MTUS2: variants seen among roughly 807,000 people sequenced by gnomAD.
The protein encoded by MTUS2 is microtubule associated scaffold protein 2.
A neutral mutation model predicts 114.1 loss-of-function variants in MTUS2; 40 were observed. That is an observed-to-expected ratio of 0.35 (90% CI 0.27 to 0.46). The LOEUF (loss-of-function observed/expected upper bound fraction) is 0.46. Ranked by LOEUF, MTUS2 falls within the 20% of genes least tolerant of loss-of-function variation. The pLI is 1.00. For missense variants in MTUS2, 1,679 were observed against 1,705.4 expected (o/e 0.98, Z 0.27); for synonymous variants, 688 against 672.0 (o/e 1.02, Z -0.37).
At chr13:29,089,204 G>A (rs1017571253) in intron 4 of MTUS2, among the ~76,000 whole-genome samples, 4 of 151,988 alleles carry the variant, frequency 2.6e-5, no homozygotes, top group African/African-American at 7.3e-5. Context: ...TTTCTCCTTC[G>A]CTTATGAAGC....
chr13:28,968,117 A>G (rs1330631099), intron 2 of MTUS2, among the ~76,000 whole-genome samples: 1 of 152,226 alleles, frequency 6.6e-6, no homozygotes. Context: ...CTGTATAGAA[A>G]GTATCTGCAG....
At chr13:29,141,146 A>G (rs1892204025) in intron 5 of MTUS2, among the ~76,000 whole-genome samples, 1 of 152,246 alleles carries the variant, frequency 6.6e-6, no homozygotes, top group African/African-American at 2.4e-5. Flanking sequence ...TATTTTTCCC[A>G]GTCCACAAAT....
rs562393155 is a variant in MTUS2 at position 29,204,938 on chromosome 13, C to A, written c.2645-76766C>A. Reference sequence around the variant, plus strand: ...GTGCAGCTGCAGTGGGGGCACTACCCAGATGATCTGGGGGACCAGGGAAGC... The same window carrying A: ...GTGCAGCTGCAGTGGGGGCACTACCAAGATGATCTGGGGGACCAGGGAAGC... On this transcript the variant is annotated intron_variant, in intron 5 of 15. Coordinates refer to ENST00000612955, the MANE Select transcript of MTUS2 (RefSeq NM_001033602.4). 2.0e-5 allele frequency among the ~76,000 whole-genome samples: 3 copies of A among 152,250 alleles called. No homozygotes were observed. The South Asian group carries it at 6.2e-4, about 32-fold the overall frequency.
At chr13:29,065,408 G>GC (rs1354438619) in intron 4 of MTUS2, among the ~76,000 whole-genome samples, 2 of 151,962 alleles carry the variant, frequency 1.3e-5, no homozygotes, top group African/African-American at 4.8e-5. Flanking sequence ...TTCATAGCTT[G>GC]TTGACCTCAT....
intron 7 of MTUS2, among the ~76,000 whole-genome samples, chr13:29,354,240 ATTT>A (rs5802516): frequency 2.1e-4 from 25 of 120,368 alleles, no homozygotes; most frequent in Non-Finnish European, 3.3e-4. Flanking sequence ...TATTTTGGGC[ATTT>A]TTTTTTTTTT....
intron 6 of MTUS2, among the ~76,000 whole-genome samples, chr13:29,294,591 A>G (rs996892370): frequency 3.9e-5 from 6 of 152,208 alleles, no homozygotes; most frequent in African/African-American, 1.4e-4. Context: ...ATTACAATGA[A>G]AGGATACAGA....
At chr13:29,005,348 AG>A (rs1159590805) in intron 2 of MTUS2, among the ~76,000 whole-genome samples, 3 of 152,184 alleles carry the variant, frequency 2.0e-5, no homozygotes, top group African/African-American at 4.8e-5. Context: ...ACTCACAAAT[AG>A]GGCTTTGATC....
chr13:29,263,539 G>C (rs1010390355), intron 5 of MTUS2, among the ~76,000 whole-genome samples: 1 of 152,198 alleles, frequency 6.6e-6, no homozygotes, highest in African/African-American at 2.4e-5. Context: ...TTGACTCACA[G>C]TTCTGCAGGC....
At chr13:28,885,486 C>A (rs1466467182) in intron 2 of MTUS2, among the ~76,000 whole-genome samples, 1 of 152,146 alleles carries the variant, frequency 6.6e-6, no homozygotes, top group Non-Finnish European at 1.5e-5. Context: ...CACTGAGTAC[C>A]TTTCCCAAGG....
At chr13:28,968,959 A>T (rs1883727334) in intron 2 of MTUS2, among the ~76,000 whole-genome samples, 1 of 152,254 alleles carries the variant, frequency 6.6e-6, no homozygotes, top group Admixed American at 6.5e-5. Flanking sequence ...AGTAAAACTA[A>T]AAGGCAAAAT....
chr13:29,034,781 A>G (rs1039972129), intron 4 of MTUS2, among the ~76,000 whole-genome samples: 2 of 152,224 alleles, frequency 1.3e-5, no homozygotes, highest in Non-Finnish European at 2.9e-5. Flanking sequence ...ATCTGTAGGC[A>G]GAGAGATGAT....
At chr13:29,142,827 G>C (rs1159000105) in intron 5 of MTUS2, among the ~76,000 whole-genome samples, 1 of 152,158 alleles carries the variant, frequency 6.6e-6, no homozygotes, top group Non-Finnish European at 1.5e-5. Context: ...AAAAGGGTAG[G>C]GCAGTTGAGT....
intron 4 of MTUS2, among the ~76,000 whole-genome samples, chr13:29,059,933 C>T (rs1156792363): frequency 1.3e-5 from 2 of 152,196 alleles, no homozygotes; most frequent in Admixed American, 6.5e-5. Context: ...GCTGAGTTTC[C>T]ACAGAAGCAG....
At chr13:29,056,300 G>T (rs1888130673) in intron 4 of MTUS2, among the ~76,000 whole-genome samples, 1 of 152,032 alleles carries the variant, frequency 6.6e-6, no homozygotes, top group Non-Finnish European at 1.5e-5. Context: ...TTCTGCATAT[G>T]ATTAGCCAGT....
At chr13:29,118,380 G>A (rs1346541970) in intron 5 of MTUS2, among the ~76,000 whole-genome samples, 1 of 152,144 alleles carries the variant, frequency 6.6e-6, no homozygotes, top group Non-Finnish European at 1.5e-5. Flanking sequence ...TGGCTCTGAT[G>A]TCCTCATCCC....
intron 8 of MTUS2, among the ~76,000 whole-genome samples, chr13:29,383,252 G>GTATATATATATATATATTTATTTATT (rs1555271591): frequency 1.5e-5 from 2 of 135,916 alleles, no homozygotes; most frequent in East Asian, 2.1e-4. Context: ...GTGTGTGTGT[G>GTATATATATATATATATTTATTTATT]TATTTATTTT....
chr13:29,400,453 T>C (rs949952521), intron 8 of MTUS2, among the ~76,000 whole-genome samples: 2 of 152,206 alleles, frequency 1.3e-5, no homozygotes, highest in African/African-American at 4.8e-5. Context: ...AAATTGTGAA[T>C]TGATAAAGAC....
At chr13:28,896,087 G>A (rs1879247845) in intron 2 of MTUS2, among the ~76,000 whole-genome samples, 1 of 152,128 alleles carries the variant, frequency 6.6e-6, no homozygotes, top group African/African-American at 2.4e-5. Context: ...GATTATTGGA[G>A]TAATTGTATA....
intron 5 of MTUS2, among the ~76,000 whole-genome samples, chr13:29,202,631 C>T (rs1895007719): frequency 6.6e-6 from 1 of 152,188 alleles, no homozygotes; most frequent in South Asian, 2.1e-4. Context: ...GGTTTTTCCT[C>T]ATCTTCATGG....
Sources: allele counts gnomAD v4.1 joint callset (sites outside exome capture counted in the v4.1 genomes callset), GRCh38; gene constraint gnomAD v4.1.1; transcripts MANE v1.5; gene names NCBI Gene and HGNC (gene_info 2026-07-23, HGNC 2026-07-21).